VGLL4: variants seen among roughly 807,000 people sequenced by gnomAD.
The protein encoded by VGLL4 is vestigial like family member 4.
VGLL4 carries 7 observed loss-of-function variants against 21.0 expected under a neutral mutation model. That is an observed-to-expected ratio of 0.33 (90% CI 0.19 to 0.63). The LOEUF (loss-of-function observed/expected upper bound fraction) is 0.63. Among genes scored for constraint, VGLL4 ranks in the 20% least tolerant of loss-of-function variants. VGLL4 has a pLI of 0.78. For synonymous variants in VGLL4, 222 were observed against 173.2 expected (o/e 1.28, Z -2.21); for missense variants, 394 against 425.7 (o/e 0.93, Z 0.66).
At chr3:11,559,632 G>T (rs573468677) in intron 3 of VGLL4, among the ~76,000 whole-genome samples, 177 bp from the exon 4 acceptor site, 1 of 152,218 alleles carries the variant, frequency 6.6e-6, no homozygotes, top group Admixed American at 6.5e-5. Flanking sequence ...CAGAGTGAGC[G>T]CAGCTCCAAG....
At chr3:11,717,490 ATTTTTTTTTT>A (rs60921966) in intron 1 of VGLL4, among the ~76,000 whole-genome samples, 2 of 72,940 alleles carry the variant, frequency 2.7e-5, no homozygotes, top group South Asian at 1.2e-3. Flanking sequence ...CCCACTACAG[ATTTTTTTTTT>A]TTTTTTTTTT....
intron 1 of VGLL4, among the ~76,000 whole-genome samples, chr3:11,615,079 CATAA>C (rs1013842703): frequency 6.6e-6 from 1 of 152,210 alleles, no homozygotes; most frequent in Admixed American, 6.5e-5. Context: ...TTATTTCACC[CATAA>C]ATACTTAAGA....
At chr3:11,642,686 A>G (rs1302393004) in intron 1 of VGLL4, among the ~76,000 whole-genome samples, 1 of 152,268 alleles carries the variant, frequency 6.6e-6, no homozygotes, top group Non-Finnish European at 1.5e-5. Context: ...TACCAGAGAC[A>G]GTTGGAAATA....
At position 11,586,599 on chromosome 3, in the gene VGLL4, T is replaced by C. The variant is rs955666368; in HGVS notation, c.272+15234A>G. 6.6e-5 allele frequency among the ~76,000 whole-genome samples: 10 copies of C among 152,330 alleles called. No homozygotes were observed. In the East Asian group the frequency reaches 1.3e-3, roughly 21 times the overall value. On this transcript the variant is annotated intron_variant, in intron 2 of 4. Coordinates refer to ENST00000430365, the MANE Select transcript of VGLL4 (RefSeq NM_001128219.3). ...AACAACCATTTCCACAGCATTTACATTGTATTAGGTATAAGTAAGCTAGAG... is the reference window on the plus strand; with the variant it reads ...AACAACCATTTCCACAGCATTTACACTGTATTAGGTATAAGTAAGCTAGAG...
At chr3:11,631,699 G>C (rs2075481474) in intron 1 of VGLL4, among the ~76,000 whole-genome samples, 1 of 152,044 alleles carries the variant, frequency 6.6e-6, no homozygotes, top group African/African-American at 2.4e-5. Context: ...ATTCTAACTT[G>C]ATCTAATTTT....
chr3:11,707,966 G>A (rs1342837044), intron 1 of VGLL4, among the ~76,000 whole-genome samples: 5 of 152,146 alleles, frequency 3.3e-5, no homozygotes, highest in East Asian at 1.9e-4. Context: ...GAAAAACCAT[G>A]GCTACAGTAT....
At chr3:11,673,656 T>C (rs535640790) in intron 2 of VGLL4, among the ~76,000 whole-genome samples, 30 of 152,094 alleles carry the variant, frequency 2.0e-4, no homozygotes, top group Admixed American at 2.6e-4. Flanking sequence ...TTCAGAACAC[T>C]AGGGACAAAC....
In VGLL4 at chr3:11,601,885, C is replaced by G; in HGVS notation, c.220G>C (p.Asp74His). ...FSMEPGDEDL[D>H]CDNDHVSKMS... ...TTGGAGACGTGGTCGTTGTCACAGT[C>G]TAGGTCCTCGTCACCTGGCTCCATG... Residue 74 changes from aspartate (D) to histidine (H), a missense_variant, in exon 2 of 5, where the codon GAC becomes CAC. Coordinates refer to ENST00000430365, the MANE Select transcript of VGLL4 (RefSeq NM_001128219.3). The G allele has an allele frequency of 1.2e-6, 2 of 1,613,972 alleles. No homozygotes were observed. The highest frequency in any genetic ancestry group is 1.7e-6 in the Non-Finnish European group (2 of 1,179,952).
upstream of VGLL4, chr3:11,644,036 T>G: frequency 3.1e-6 from 3 of 975,766 alleles, no homozygotes; most frequent in African/African-American, 1.8e-5. Context: ...ATGTAGCAAG[T>G]GTTGGAAAGA....
intron 2 of VGLL4, among the ~76,000 whole-genome samples, chr3:11,580,366 A>G (rs1161082853): frequency 2.0e-5 from 3 of 152,222 alleles, no homozygotes; most frequent in African/African-American, 7.2e-5. Context: ...TTGTGTGTAC[A>G]GACCACATTT....
At chr3:11,673,847 C>T (rs1196565967) in intron 2 of VGLL4, among the ~76,000 whole-genome samples, 1 of 151,800 alleles carries the variant, frequency 6.6e-6, no homozygotes, top group Admixed American at 6.6e-5. Context: ...AATCCTGTCT[C>T]TACTAAAAAT....
intron 1 of VGLL4, among the ~76,000 whole-genome samples, chr3:11,630,104 A>T (rs2075443966): frequency 6.6e-6 from 1 of 152,198 alleles, no homozygotes. Flanking sequence ...TGACAATACC[A>T]AAATCACTAC....
intron 2 of VGLL4, among the ~76,000 whole-genome samples, chr3:11,679,508 C>A (rs1278016580): frequency 6.6e-6 from 1 of 152,066 alleles, no homozygotes; most frequent in Admixed American, 6.6e-5. Context: ...CATGGTGAAA[C>A]CCCGTCTCTA....
At chr3:11,639,939 A>C (rs1266269122) in intron 1 of VGLL4, among the ~76,000 whole-genome samples, 1 of 152,200 alleles carries the variant, frequency 6.6e-6, no homozygotes, top group Non-Finnish European at 1.5e-5. Flanking sequence ...GATTCATAGA[A>C]GAGTCAAAAC....
intron 2 of VGLL4, among the ~76,000 whole-genome samples, chr3:11,600,372 A>T (rs2125263295): frequency 6.7e-6 from 1 of 149,616 alleles, no homozygotes; most frequent in East Asian, 2.0e-4. Flanking sequence ...AAGAAAAAGA[A>T]AAAAAAAAAA....
intron 1 of VGLL4, among the ~76,000 whole-genome samples, chr3:11,714,686 G>A (rs1375101450): frequency 1.3e-5 from 2 of 152,072 alleles, no homozygotes; most frequent in African/African-American, 4.8e-5. Context: ...TGAAATAACA[G>A]AAACTCTTTG....
intron 2 of VGLL4, among the ~76,000 whole-genome samples, chr3:11,700,976 GA>G (rs1214007802): frequency 1.3e-5 from 2 of 152,124 alleles, no homozygotes; most frequent in African/African-American, 4.8e-5. Context: ...AATTATACAA[GA>G]GGTTGAAAAA....
intron 2 of VGLL4, among the ~76,000 whole-genome samples, chr3:11,581,950 A>G (rs1218433657): frequency 3.9e-5 from 6 of 152,202 alleles, no homozygotes; most frequent in Non-Finnish European, 8.8e-5. Flanking sequence ...GTTACTTCCA[A>G]TCCATGAAGG....
intron 2 of VGLL4, among the ~76,000 whole-genome samples, chr3:11,585,445 A>AG (rs548690410): frequency 6.1e-4 from 92 of 151,108 alleles, no homozygotes; most frequent in Middle Eastern, 3.4e-3. Context: ...AAAAAAAAAA[A>AG]AGAGAGAGAG....
Sources: allele counts gnomAD v4.1 joint callset (sites outside exome capture counted in the v4.1 genomes callset), GRCh38; gene constraint gnomAD v4.1.1; transcripts MANE v1.5; gene names NCBI Gene and HGNC (gene_info 2026-07-23, HGNC 2026-07-21).